NIBAN1: variants seen among roughly 807,000 people sequenced by gnomAD.
NIBAN1 encodes the protein niban apoptosis regulator 1, also known as protein Niban 1.
NIBAN1 carries 81 observed loss-of-function variants against 75.1 expected under a neutral mutation model. The ratio of observed to expected loss-of-function variants is 1.08; its 90% CI spans 0.90 to 1.30. The LOEUF (loss-of-function observed/expected upper bound fraction) is 1.30. NIBAN1 is among the 50% of genes most tolerant of loss of function. NIBAN1 has a pLI of 0.00. For missense variants in NIBAN1, 1,133 were observed against 1,128.1 expected, an observed-to-expected ratio of 1.00 and a Z score of -0.06; for synonymous variants, 436 against 424.8, an observed-to-expected ratio of 1.03 and a Z score of -0.32.
intron 1 of NIBAN1, among the ~76,000 whole-genome samples, chr1:184,903,336 C>G (rs1382901469): frequency 1.3e-5 from 2 of 152,202 alleles, no homozygotes; most frequent in Non-Finnish European, 2.9e-5. Flanking sequence ...TCATAACACC[C>G]TTCAAGGTAA....
chr1:184,969,425 T>C (rs1431043094), intron 1 of NIBAN1, among the ~76,000 whole-genome samples: 3 of 152,170 alleles, frequency 2.0e-5, no homozygotes, highest in Admixed American at 6.5e-5. Context: ...AGGCATCACA[T>C]TCAGATGCAA....
rs148184379 is a variant in NIBAN1, at chr1:184,917,835, C to T, written c.56-18526G>A. ...CCCAGAAAAGAAAATTACTCATCTA[C>T]CTCTCAGGCAACTGCCCTCTTTTTT... On this transcript the variant is annotated intron_variant, in intron 1 of 13. Coordinates refer to ENST00000367511, the MANE Select transcript of NIBAN1 (RefSeq NM_052966.4). Among the ~76,000 whole-genome samples, 67 of 152,276 alleles carry T rather than the reference C, an allele frequency of 4.4e-4. 1 individual carries two copies. In the East Asian group the frequency reaches 0.012, roughly 28 times the overall value.
At position 184,894,106 on chromosome 1, in the gene NIBAN1, T is replaced by A. The variant is rs773192247; in HGVS notation, c.287A>T (p.Asp96Val). The A allele has an allele frequency of 2.0e-5, 33 of 1,612,234 alleles. 1 individual carries two copies. Among genetic ancestry groups the A allele is most frequent in the Middle Eastern group, 1.6e-4 (1 of 6,068 alleles). ...WKERYVVVKN[D>V]YAVESYENKE... is the part of the protein sequence containing the mutation. ...ATTCTCATAGCTCTCCACAGCATAATCATTTTTAACTACAACGTATCTCTC... is the reference window on the plus strand; with the variant it reads ...ATTCTCATAGCTCTCCACAGCATAAACATTTTTAACTACAACGTATCTCTC... Residue 96 changes from aspartate (D) to valine (V), a missense_variant, in exon 3 of 14, where the codon GAT (aspartate) becomes GTT (valine). By Grantham distance (152) the Asp-to-Val change is radical. Coordinates refer to ENST00000367511, the MANE Select transcript of NIBAN1 (RefSeq NM_052966.4).
At chr1:184,959,180 AC>A (rs1428310170) in intron 1 of NIBAN1, among the ~76,000 whole-genome samples, 1 of 150,826 alleles carries the variant, frequency 6.6e-6, no homozygotes, top group African/African-American at 2.5e-5. Flanking sequence ...CTGGCCCCAG[AC>A]CAGCCACATC....
intron 1 of NIBAN1, among the ~76,000 whole-genome samples, chr1:184,952,248 G>A (rs1258658487): frequency 1.3e-5 from 2 of 151,944 alleles, no homozygotes; most frequent in Non-Finnish European, 2.9e-5. Flanking sequence ...AAAGAAAATT[G>A]AAAAAATAAG....
chr1:184,817,209 CT>C (rs1654562770), intron 9 of NIBAN1, among the ~76,000 whole-genome samples: 1 of 152,142 alleles, frequency 6.6e-6, no homozygotes, highest in Non-Finnish European at 1.5e-5. Flanking sequence ...TGAACTCATC[CT>C]TTTTTATGGC....
chr1:184,890,644 A>G (rs1656643902), intron 3 of NIBAN1, among the ~76,000 whole-genome samples: 1 of 152,268 alleles, frequency 6.6e-6, no homozygotes, highest in South Asian at 2.1e-4. Context: ...ACATAGGATG[A>G]CTAATGAGAC....
intron 5 of NIBAN1, among the ~76,000 whole-genome samples, chr1:184,862,071 C>T (rs1655831619): frequency 6.6e-6 from 1 of 152,176 alleles, no homozygotes; most frequent in Non-Finnish European, 1.5e-5. Context: ...ATAAGATTGA[C>T]CTGGCCTTTT....
intron 6 of NIBAN1, among the ~76,000 whole-genome samples, chr1:184,826,412 C>T (rs148484990): frequency 7.9e-5 from 12 of 152,240 alleles, no homozygotes; most frequent in African/African-American, 2.6e-4. Flanking sequence ...TGGCAAGAAC[C>T]GCAATTACTT....
At chr1:184,826,513 C>G (rs1001064996) in intron 6 of NIBAN1, among the ~76,000 whole-genome samples, 1 of 152,090 alleles carries the variant, frequency 6.6e-6, no homozygotes, top group Non-Finnish European at 1.5e-5. Context: ...ACACATCTGC[C>G]GAAAGTGTGG....
chr1:184,889,455 C>T (rs985757056), intron 4 of NIBAN1, among the ~76,000 whole-genome samples: 1 of 151,758 alleles, frequency 6.6e-6, no homozygotes, highest in Admixed American at 6.6e-5. Context: ...TTTTTTTTCA[C>T]AGTAGCTATG....
chr1:184,895,940 A>AT (rs1190169096), intron 2 of NIBAN1, among the ~76,000 whole-genome samples: 1 of 152,002 alleles, frequency 6.6e-6, no homozygotes, highest in Non-Finnish European at 1.5e-5. Context: ...TATATACCAC[A>AT]TTTTTTTTAT....
At chr1:184,801,191 T>A (rs1654031521) in intron 12 of NIBAN1, among the ~76,000 whole-genome samples, 1 of 152,074 alleles carries the variant, frequency 6.6e-6, no homozygotes, top group Non-Finnish European at 1.5e-5. Context: ...TTACAGCAGG[T>A]GATCAGAAGC....
chr1:184,854,294 C>T (rs529399667), intron 5 of NIBAN1, among the ~76,000 whole-genome samples: 12 of 152,146 alleles, frequency 7.9e-5, no homozygotes, highest in African/African-American at 1.9e-4. Flanking sequence ...CCACTGCACA[C>T]CTGCCCATGT....
intron 1 of NIBAN1, among the ~76,000 whole-genome samples, chr1:184,973,819 G>C (rs1415710564): frequency 1.3e-5 from 2 of 152,252 alleles, no homozygotes; most frequent in Non-Finnish European, 2.9e-5. Flanking sequence ...GATGAAGTGC[G>C]AGCGAAGCTG....
intron 5 of NIBAN1, among the ~76,000 whole-genome samples, chr1:184,874,493 G>A (rs563691621): frequency 6.6e-6 from 1 of 151,880 alleles, no homozygotes; most frequent in South Asian, 2.1e-4. Context: ...GCAATAAAAT[G>A]TGCCATTTCA....
chr1:184,877,113 C>T (rs1479582596), intron 5 of NIBAN1, among the ~76,000 whole-genome samples: 1 of 152,046 alleles, frequency 6.6e-6, no homozygotes, highest in Non-Finnish European at 1.5e-5. Context: ...TAGAGTAACA[C>T]AGATATTAGA....
At chr1:184,934,204 G>A (rs185077132) in intron 1 of NIBAN1, among the ~76,000 whole-genome samples, 4 of 152,238 alleles carry the variant, frequency 2.6e-5, no homozygotes, top group East Asian at 1.9e-4. Flanking sequence ...TATCCTAAGC[G>A]AATTAATGCA....
At chr1:184,930,391 G>A (rs984961435) in intron 1 of NIBAN1, among the ~76,000 whole-genome samples, 3 of 152,196 alleles carry the variant, frequency 2.0e-5, no homozygotes, top group South Asian at 2.1e-4. Flanking sequence ...GGAAGAGGAG[G>A]AGACTGACAG....
Sources: gnomAD v4.1 joint callset for allele counts (sites outside exome capture counted in the v4.1 genomes callset) on GRCh38, gnomAD v4.1.1 for gene constraint, MANE v1.5 for transcripts, NCBI Gene and HGNC (gene_info 2026-07-23, HGNC 2026-07-21) for gene names.